ABI3BP: variants seen among roughly 807,000 people sequenced by gnomAD.
ABI3BP encodes the protein target of Nesh-SH3.
In ABI3BP, 216 loss-of-function variants were observed where a neutral mutation model predicts 268.6. The ratio of observed to expected loss-of-function variants is 0.80; its 90% CI spans 0.72 to 0.90. The LOEUF is 0.90. Among genes scored for constraint, ABI3BP ranks in the 40% least tolerant of loss-of-function variants. The pLI is 0.00. For synonymous variants in ABI3BP, 730 were observed against 730.0 expected, an observed-to-expected ratio of 1.00 and a Z score of 0.00; for missense variants, 2,090 against 2,182.4, an observed-to-expected ratio of 0.96 and a Z score of 0.84.
intron 28 of ABI3BP, 35 bp downstream of exon 28, chr3:100,835,566 A>C: frequency 1.3e-6 from 2 of 1,491,162 alleles, no homozygotes; most frequent in Non-Finnish European, 1.8e-6. Context: ...AATGAGCAGA[A>C]AAAACTCATA....
At chr3:100,990,896 G>A (rs1404063615) in intron 1 of ABI3BP, among the ~76,000 whole-genome samples, 1 of 152,026 alleles carries the variant, frequency 6.6e-6, no homozygotes, top group East Asian at 1.9e-4. Flanking sequence ...TAAAATAAAT[G>A]GTTATGTTAG....
chr3:100,849,992 C>T, intron 17 of ABI3BP, 53 bp downstream of exon 17: 1 of 1,476,576 alleles, frequency 6.8e-7, no homozygotes, highest in Non-Finnish European at 9.3e-7. Context: ...CATGACTTCT[C>T]ACATTACCTG....
intron 6 of ABI3BP, among the ~76,000 whole-genome samples, chr3:100,884,981 G>T (rs573165814): frequency 1.3e-5 from 1 of 79,078 alleles, no homozygotes; most frequent in African/African-American, 3.3e-5. Flanking sequence ...GAAGGAAAGA[G>T]AGCATGAGAA....
In ABI3BP at chr3:100,833,111, T is replaced by C. The variant is rs778274174; in HGVS notation, c.2314+14A>G. 48 of 1,533,542 alleles carry C rather than the reference T, an allele frequency of 3.1e-5. No individual in the cohort carries two copies. In the South Asian group the frequency reaches 4.9e-4, roughly 16 times the overall value. 95.0% of individuals were successfully genotyped at this position (1,533,542 alleles called of 1,614,324 possible). A position where few individuals can be genotyped will look rare whatever the true frequency, so the allele number is the denominator to read the frequency against. ...AAGAAAAAGGACTTGCTGAAGGACA[T>C]AGAGAGTCATTACCTGAAGATGTCC... On this transcript the variant is annotated intron_variant, in intron 30 of 67. Transcript: ENST00000471714.
At position 100,785,426 on chromosome 3, in the gene ABI3BP, G is replaced by A. The variant is rs141513890; in HGVS notation, c.4162+2302C>T. Among the ~76,000 whole-genome samples the A allele has an allele frequency of 2.4e-3, 373 of 152,260 alleles. 5 individuals are homozygous for A. Among genetic ancestry groups the A allele is most frequent in the African/African-American group, 8.4e-3 (349 of 41,552 alleles). On this transcript the variant is annotated intron_variant, in intron 57 of 67. Coordinates refer to ENST00000471714, the MANE Select transcript of ABI3BP (RefSeq NM_001375547.2). ...TAAGGTAAGTCTACAACCGGGAGAG[G>A]AGAGATTTTTAAACATTTTTTCCTC...
chr3:100,778,219 A>C (rs1390148972), intron 59 of ABI3BP, 65 bp downstream of exon 59: 25 of 1,490,320 alleles, frequency 1.7e-5, no homozygotes, highest in Non-Finnish European at 2.1e-5. Context: ...CACGCCAAGA[A>C]GAGCTTATGT....
At chr3:100,794,879 T>TA in intron 54 of ABI3BP, 44 bp downstream of exon 54, 1 of 1,447,662 alleles carries the variant, frequency 6.9e-7, no homozygotes, top group African/African-American at 1.4e-5. Context: ...GGGAAATTCC[T>TA]AAAAGGCAAG....
chr3:100,898,896 T>G lies in ABI3BP; in HGVS notation c.329-2A>C. 6.2e-7 allele frequency: 1 copy of G among 1,608,170 alleles called. No individual in the cohort carries two copies. On this transcript the variant is annotated splice_acceptor_variant, in intron 3 of 67. Coordinates refer to ENST00000471714, the MANE Select transcript of ABI3BP (RefSeq NM_001375547.2). LOFTEE classifies it high-confidence loss of function. ...GAGGTTTGCGAGAACGAGTTTTACCTGTGGAGGTGGCATAGAGGTTAATAA... is the reference window on the plus strand; with the variant it reads ...GAGGTTTGCGAGAACGAGTTTTACCGGTGGAGGTGGCATAGAGGTTAATAA...
intron 14 of ABI3BP, among the ~76,000 whole-genome samples, chr3:100,854,822 C>T (rs771702600): frequency 2.0e-5 from 3 of 151,362 alleles, no homozygotes; most frequent in Non-Finnish European, 4.4e-5. Flanking sequence ...TAATGACTTA[C>T]AGTCATAACT....
chr3:100,787,407 G>C (rs1474399909), intron 57 of ABI3BP, among the ~76,000 whole-genome samples: 2 of 152,072 alleles, frequency 1.3e-5, no homozygotes, highest in African/African-American at 4.8e-5. Flanking sequence ...AGTCTGTGTA[G>C]AAAAAGCATT....
rs912792765 is a variant in ABI3BP, at chr3:100,846,562, G to T, written c.1649-116C>A. The T allele has an allele frequency of 2.0e-5, 13 of 654,850 alleles. No homozygotes were observed. In the Admixed American group the frequency reaches 3.8e-4, roughly 19 times the overall value. 40.6% of individuals were successfully genotyped at this position (654,850 alleles called of 1,614,324 possible). ...ATACATTAAATGGAATGAACTCATC[G>T]TCTTGGAAGATTTTGGAAATATTCC... is the stretch of plus-strand genomic sequence containing the variant. On this transcript the variant is annotated intron_variant, in intron 19 of 67. Coordinates refer to ENST00000471714, the MANE Select transcript of ABI3BP (RefSeq NM_001375547.2).
At position 100,841,194 on chromosome 3, in the gene ABI3BP, C is replaced by CTTTTTTTTTTTTTT. The variant is rs60261694; in HGVS notation, c.1766-350_1766-337dup. ...AATTGGCTAAGATGGCATTAGAACA[C>CTTTTTTTTTTTTTT]TTTTTTTTTTTTTTTTTTTTTTTTT... On this transcript the variant is annotated intron_variant, in intron 21 of 67. Transcript: ENST00000471714. Among the ~76,000 whole-genome samples, 26 of 39,628 alleles carry CTTTTTTTTTTTTTT rather than the reference C, an allele frequency of 6.6e-4. 3 individuals carry two copies. The highest frequency in any genetic ancestry group is 1.1e-3 in the African/African-American group (10 of 9,278). The allele number at this position is 39,628 out of a possible 152,430, so 26.0% of individuals were successfully genotyped here. A position where few individuals can be genotyped will look rare whatever the true frequency, so the allele number is the denominator to read the frequency against.
chr3:100,850,754 C>T lies in ABI3BP; in HGVS notation c.1352-20G>A, dbSNP rs989070878. 3.1e-6 allele frequency: 5 copies of T among 1,593,892 alleles called. No homozygotes were observed. In the African/African-American group the frequency reaches 6.7e-5, roughly 21 times the overall value. On this transcript the variant is annotated intron_variant, in intron 15 of 67. Transcript: ENST00000471714. The stretch of plus-strand genomic sequence containing the variant: ...TTGTTGCTGTTGGAATAAATGTCAA[C>T]ATTTGTAAAAGCAGTAGAAGGCCCC...
chr3:100,889,377 C>A lies in ABI3BP; in HGVS notation c.462-3054G>T, dbSNP rs1362527125. ...GCACTGGACTCTTTCAACTGTGGTG[C>A]TAGGCAAAAGACATGGAAAAAGATG... On this transcript the variant is annotated intron_variant, in intron 4 of 67. Coordinates refer to ENST00000471714, the MANE Select transcript of ABI3BP (RefSeq NM_001375547.2). Among the ~76,000 whole-genome samples, 3 of 152,112 alleles carry A rather than the reference C, an allele frequency of 2.0e-5. No homozygotes were observed. In the East Asian group the frequency reaches 5.8e-4, roughly 29 times the overall value.
At chr3:100,977,182 T>C (rs545541269) in intron 1 of ABI3BP, among the ~76,000 whole-genome samples, 1 of 152,324 alleles carries the variant, frequency 6.6e-6, no homozygotes, top group African/African-American at 2.4e-5. Context: ...GATAAGATTA[T>C]TTACACTTCT....
intron 2 of ABI3BP, among the ~76,000 whole-genome samples, chr3:100,914,722 G>A (rs35379420): frequency 0.064 from 9,753 of 152,206 alleles, 413 homozygotes; most frequent in Non-Finnish European, 0.094. Context: ...GGAAGACAAC[G>A]TTAAAGGGGG....
At chr3:100,779,889 A>G (rs544570527) in intron 58 of ABI3BP, among the ~76,000 whole-genome samples, 25 of 152,334 alleles carry the variant, frequency 1.6e-4, no homozygotes, top group Non-Finnish European at 3.5e-4. Context: ...ATAGCAAGTA[A>G]TGATTAAGTT....
At chr3:100,816,614 T>C (rs2152557632) in intron 43 of ABI3BP, 74 bp downstream of exon 43, 1 of 1,209,088 alleles carries the variant, frequency 8.3e-7, no homozygotes, top group African/African-American at 1.5e-5. Context: ...TAGGCATTTC[T>C]TTAGGACTTT....
intron 62 of ABI3BP, 34 bp downstream of exon 62, chr3:100,770,709 T>A: frequency 7.2e-7 from 1 of 1,397,992 alleles, no homozygotes; most frequent in Non-Finnish European, 9.4e-7. Context: ...TATCAAAGCT[T>A]CCCACCATAA....
Sources: allele counts gnomAD v4.1 joint callset (sites outside exome capture counted in the v4.1 genomes callset), GRCh38; gene constraint gnomAD v4.1.1; transcripts MANE v1.5; gene names NCBI Gene and HGNC (gene_info 2026-07-23, HGNC 2026-07-21).